PJA2: variants seen among roughly 807,000 people sequenced by gnomAD.
The protein encoded by PJA2 is praja ring finger ubiquitin ligase 2, also known as E3 ubiquitin-protein ligase Praja-2.
In PJA2, 25 loss-of-function variants were observed where a neutral mutation model predicts 69.3. That is an observed-to-expected ratio of 0.36 (90% CI 0.26 to 0.50). The LOEUF is 0.50. PJA2 is among the 20% of genes least tolerant of loss of function. PJA2 has a pLI of 0.96. For synonymous variants in PJA2, 308 were observed against 277.8 expected (o/e 1.11, Z -1.08); for missense variants, 809 against 830.2 (o/e 0.97, Z 0.31).
At chr5:109,351,227 A>AT (rs1213760534) in intron 7 of PJA2, among the ~76,000 whole-genome samples, 2 of 152,190 alleles carry the variant, frequency 1.3e-5, no homozygotes, top group Admixed American at 1.3e-4. Context: ...AACTCCTTCC[A>AT]TTCCTATTAA....
At chr5:109,393,283 T>A (rs1054275234) in intron 1 of PJA2, among the ~76,000 whole-genome samples, 3 of 152,188 alleles carry the variant, frequency 2.0e-5, no homozygotes, top group Admixed American at 2.0e-4. Context: ...GAACAAGTTA[T>A]CATTACACAC....
At chr5:109,364,932 AAT>A (rs1762562648) in intron 5 of PJA2, among the ~76,000 whole-genome samples, 1 of 152,194 alleles carries the variant, frequency 6.6e-6, no homozygotes, top group South Asian at 2.1e-4. Flanking sequence ...AAACAACTGA[AAT>A]ATGTTTCAAC....
chr5:109,344,311 G>C lies in PJA2; in HGVS notation c.1880C>G (p.Ala627Gly), dbSNP rs371007994. The C allele has an allele frequency of 6.3e-7, 1 of 1,587,084 alleles. No individual in the cohort carries two copies. Among genetic ancestry groups the C allele is most frequent in the African/African-American group, 1.4e-5 (1 of 73,430 alleles). ...TGGACAGCATTGTTCCTGACCAATA[G>C]CTGAAAACAACAAATAATTCAGGTC... ...PETLVLEDHT[A>G]IGQEQCCPIC... Residue 627 changes from alanine to glycine, a missense_variant and splice_region_variant, in exon 9 of 10, where the codon GCT becomes GGT. Physicochemically the swap from Ala to Gly is moderately conservative, Grantham distance 60. This residue lies in a region of PJA2 where 55 missense variants were observed against 90.7 expected (regional missense o/e 0.61). Transcript: ENST00000361189.
At chr5:109,385,025 C>A (rs938816734) in intron 1 of PJA2, among the ~76,000 whole-genome samples, 1 of 152,142 alleles carries the variant, frequency 6.6e-6, no homozygotes, top group South Asian at 2.1e-4. Flanking sequence ...CCATATTGGT[C>A]AGGCTGGTCT....
chr5:109,374,090 T>C (rs1470301772), intron 4 of PJA2, among the ~76,000 whole-genome samples: 1 of 152,208 alleles, frequency 6.6e-6, no homozygotes, highest in Non-Finnish European at 1.5e-5. Flanking sequence ...TGAACTGTAA[T>C]GTAATACAGT....
At chr5:109,377,845 A>T (rs1039099931) in intron 4 of PJA2, among the ~76,000 whole-genome samples, 2 of 152,206 alleles carry the variant, frequency 1.3e-5, no homozygotes, top group Non-Finnish European at 2.9e-5. Context: ...ATAATTTGTG[A>T]TATTAATCAC....
chr5:109,359,354 A>C (rs1032138749), intron 6 of PJA2, among the ~76,000 whole-genome samples: 7 of 152,168 alleles, frequency 4.6e-5, no homozygotes, highest in African/African-American at 2.4e-5. Context: ...TGGATTTTCT[A>C]GTGCACAGGG....
At chr5:109,390,714 CT>C (rs1747263263) in intron 1 of PJA2, 1 of 151,774 alleles carries the variant, frequency 6.6e-6, no homozygotes, top group Non-Finnish European at 1.5e-5. Flanking sequence ...CATCTGCTAG[CT>C]TTTTTGATAC....
chr5:109,342,356 G>C (rs796170369), intron 9 of PJA2, among the ~76,000 whole-genome samples: 1 of 86,910 alleles, frequency 1.2e-5, no homozygotes, highest in East Asian at 4.3e-4. Context: ...CCGGCCAGCC[G>C]CCCCGTCCGG....
chr5:109,338,564 G>A (rs1761985786), intron 9 of PJA2, among the ~76,000 whole-genome samples: 1 of 150,470 alleles, frequency 6.6e-6, no homozygotes, highest in African/African-American at 2.5e-5. Context: ...TTGAACCCGG[G>A]AGGCGGAGGT....
intron 1 of PJA2, among the ~76,000 whole-genome samples, chr5:109,384,337 T>G (rs900728688): frequency 2.0e-5 from 3 of 152,218 alleles, no homozygotes; most frequent in Non-Finnish European, 4.4e-5. Flanking sequence ...AATAGTCAGT[T>G]GATCAGATAA....
intron 9 of PJA2, among the ~76,000 whole-genome samples, chr5:109,339,233 A>G (rs1761997652): frequency 6.6e-6 from 1 of 152,236 alleles, no homozygotes; most frequent in Non-Finnish European, 1.5e-5. Flanking sequence ...TATCAGAACT[A>G]CATTTCAGAA....
At chr5:109,338,793 A>G (rs1192105032) in intron 9 of PJA2, among the ~76,000 whole-genome samples, 1 of 152,192 alleles carries the variant, frequency 6.6e-6, no homozygotes, top group Non-Finnish European at 1.5e-5. Flanking sequence ...ACAAGTAACA[A>G]TCATTAGAAA....
In PJA2 at chr5:109,335,526, G is replaced by C. The variant is rs1761923909; in HGVS notation, c.*1705C>G. 1 of 152,164 alleles carries C rather than the reference G, an allele frequency of 6.6e-6. No individual in the cohort carries two copies. Among genetic ancestry groups the C allele is most frequent in the African/African-American group, 2.4e-5 (1 of 41,424 alleles). 9.4% of individuals were successfully genotyped at this position (152,164 alleles called of 1,614,324 possible). A position where few individuals can be genotyped will look rare whatever the true frequency, so the allele number is the denominator to read the frequency against. On this transcript the variant is annotated 3_prime_UTR_variant, in exon 10 of 10. Coordinates refer to ENST00000361189, the MANE Select transcript of PJA2 (RefSeq NM_014819.5). ...TATAGAGAAATCTTTAGCAACGTAA[G>C]TTTAACCAGTAAGTGTCACAACTGA... is the stretch of plus-strand genomic sequence containing the variant.
intron 1 of PJA2, among the ~76,000 whole-genome samples, chr5:109,401,969 T>C (rs1424954837): frequency 2.6e-5 from 4 of 152,260 alleles, no homozygotes; most frequent in African/African-American, 7.2e-5. Context: ...TAAGGAGAAA[T>C]TGTAAATATA....
intron 5 of PJA2, among the ~76,000 whole-genome samples, chr5:109,363,930 T>C (rs569672138): frequency 6.6e-6 from 1 of 152,026 alleles, no homozygotes; most frequent in Admixed American, 6.5e-5. Flanking sequence ...GTCAGGCAGA[T>C]CACTTGAGGC....
At position 109,364,279 on chromosome 5, in the gene PJA2, C is replaced by G. The variant is rs1330367788; in HGVS notation, c.1470-1257G>C. Among the ~76,000 whole-genome samples, 3 of 152,134 alleles carry G rather than the reference C, an allele frequency of 2.0e-5. No homozygotes were observed. The East Asian group carries it at 5.8e-4, about 29-fold the overall frequency. On this transcript the variant is annotated intron_variant, in intron 5 of 9. Transcript: ENST00000361189. Reference sequence around the variant, plus strand: ...GAAGTACATGTGTATATGCACCCCCCACCTCACTTAAACAATGAGTACGAG... The same window carrying G: ...GAAGTACATGTGTATATGCACCCCCGACCTCACTTAAACAATGAGTACGAG...
At chr5:109,381,818 G>T in intron 2 of PJA2, 115 bp from the exon 3 acceptor site, 1 of 821,116 alleles carries the variant, frequency 1.2e-6, no homozygotes, top group Non-Finnish European at 1.9e-6. Flanking sequence ...ATATGCTTCT[G>T]AACATGAAGT....
chr5:109,341,599 T>G (rs1372200809), intron 9 of PJA2, among the ~76,000 whole-genome samples: 31 of 60,796 alleles, frequency 5.1e-4, no homozygotes, highest in African/African-American at 9.7e-4. Flanking sequence ...GGGAGGGAGG[T>G]GGGGGGGTCA....
Sources: gnomAD v4.1 joint callset for allele counts (sites outside exome capture counted in the v4.1 genomes callset) on GRCh38, gnomAD v4.1.1 for gene constraint, gnomAD v4.1.1 regional missense constraint, MANE v1.5 for transcripts, NCBI Gene and HGNC (gene_info 2026-07-23, HGNC 2026-07-21) for gene names.